The following ELFN1 variants were observed in gnomAD, a reference collection of about 807,000 sequenced individuals.
ELFN1 encodes protein ELFN1.
In ELFN1, 6 loss-of-function variants were observed where a neutral mutation model predicts 7.6. That is an observed-to-expected ratio of 0.79 (90% CI 0.43 to 1.56). ELFN1 has a LOEUF of 1.56. ELFN1 is among the 40% of genes most tolerant of loss of function. The probability of loss-of-function intolerance (pLI) is 0.01; values close to 1 mark genes in which losing one functional copy is unlikely to be tolerated. For missense variants in ELFN1, 1,169 were observed against 1,232.2 expected, an observed-to-expected ratio of 0.95 and a Z score of 0.77; for synonymous variants, 657 against 588.1, an observed-to-expected ratio of 1.12 and a Z score of -1.70.
At chr7:1,731,069 A>G (rs1404393689) in intron 3 of ELFN1, among the ~76,000 whole-genome samples, 1 of 152,236 alleles carries the variant, frequency 6.6e-6, no homozygotes, top group Non-Finnish European at 1.5e-5. Flanking sequence ...AACGGCACCA[A>G]TAAAACAACA....
intron 2 of ELFN1, chr7:1,693,451 T>A (rs1262962846): frequency 2.1e-6 from 1 of 471,264 alleles, no homozygotes; most frequent in East Asian, 6.9e-5. Context: ...GGGCTTAGAC[T>A]GCCTGGTGCA....
chr7:1,721,606 G>T (rs183641511), intron 3 of ELFN1, among the ~76,000 whole-genome samples: 432 of 152,338 alleles, frequency 2.8e-3, no homozygotes, highest in African/African-American at 0.01. Context: ...CCATTTGCAT[G>T]CAGGGCATCG....
intron 3 of ELFN1, among the ~76,000 whole-genome samples, chr7:1,716,120 C>G (rs1170641769): frequency 6.6e-6 from 1 of 152,210 alleles, no homozygotes; most frequent in Non-Finnish European, 1.5e-5. Flanking sequence ...AAGCCAGGAG[C>G]CCTCTCAGCT....
intron 2 of ELFN1, among the ~76,000 whole-genome samples, chr7:1,700,005 A>G (rs1277145774): frequency 1.3e-5 from 2 of 152,086 alleles, no homozygotes; most frequent in South Asian, 2.1e-4. Flanking sequence ...CGGCCTCATC[A>G]TTGTCTTCTT....
intron 2 of ELFN1, among the ~76,000 whole-genome samples, 175 bp downstream of exon 2, chr7:1,688,325 G>A (rs1345334952): frequency 6.6e-6 from 1 of 152,094 alleles, no homozygotes; most frequent in Non-Finnish European, 1.5e-5. Context: ...TTAATGAGAA[G>A]AAGTTCTTCA....
rs558840440 is a variant in ELFN1, at chr7:1,731,377, C to T, written c.-293-12927C>T. The stretch of plus-strand genomic sequence containing the variant: ...GGGAGAATGATGAAGGATGTCTTTC[C>T]TGCCAGGTATGGAAGCTTTTTATAG... On this transcript the variant is annotated intron_variant, in intron 3 of 3. Coordinates refer to ENST00000424383, the MANE Select transcript of ELFN1 (RefSeq NM_001128636.4). Among the ~76,000 whole-genome samples the T allele has an allele frequency of 2.6e-5, 4 of 152,310 alleles. No individual in the cohort carries two copies. In the East Asian group the frequency reaches 7.7e-4, roughly 29 times the overall value.
intron 1 of ELFN1, among the ~76,000 whole-genome samples, chr7:1,686,611 A>C (rs764757623): frequency 6.6e-6 from 1 of 152,028 alleles, no homozygotes; most frequent in Non-Finnish European, 1.5e-5. Flanking sequence ...TCAGGCCTAC[A>C]CATGCTGTTG....
At chr7:1,731,562 T>A (rs1405915756) in intron 3 of ELFN1, among the ~76,000 whole-genome samples, 2 of 152,246 alleles carry the variant, frequency 1.3e-5, no homozygotes, top group African/African-American at 4.8e-5. Flanking sequence ...GACAAGAGGA[T>A]GTATTCACCA....
intron 2 of ELFN1, among the ~76,000 whole-genome samples, chr7:1,691,647 G>C (rs1031105474): frequency 2.6e-5 from 4 of 152,186 alleles, no homozygotes; most frequent in African/African-American, 4.8e-5. Flanking sequence ...TGCCAGCTCT[G>C]CATCCCACAA....
chr7:1,721,881 T>TCGAC (rs1421027391), intron 3 of ELFN1, among the ~76,000 whole-genome samples: 1 of 152,240 alleles, frequency 6.6e-6, no homozygotes, highest in Non-Finnish European at 1.5e-5. Context: ...CCTTCCCCTC[T>TCGAC]CTGGTCTTCA....
chr7:1,681,837 C>G (rs1029804115), intron 1 of ELFN1, among the ~76,000 whole-genome samples: 1 of 152,166 alleles, frequency 6.6e-6, no homozygotes, highest in Admixed American at 6.5e-5. Context: ...TTGCATTTTC[C>G]GAATGACCGA....
chr7:1,698,579 TAGCATATTATTTC>T (rs2128583355), intron 2 of ELFN1, among the ~76,000 whole-genome samples: 1 of 152,306 alleles, frequency 6.6e-6, no homozygotes, highest in South Asian at 2.1e-4. Flanking sequence ...ATATATGTAA[TAGCATATTATTTC>T]TCTCTTTAAT....
rs949800550 is a variant in ELFN1, at chr7:1,695,410, G to A, written c.-456+7260G>A. ...CAAGCCTGGGCGAGTCTCGCTGGGAGGCAGGAGCAGACTCAGCCCGCCAAG... is the reference window on the plus strand; with the variant it reads ...CAAGCCTGGGCGAGTCTCGCTGGGAAGCAGGAGCAGACTCAGCCCGCCAAG... On this transcript the variant is annotated intron_variant, in intron 2 of 3. Coordinates refer to ENST00000424383, the MANE Select transcript of ELFN1 (RefSeq NM_001128636.4). The surrounding 1 kb of genome is among the most constrained non-coding windows in gnomAD (Gnocchi z 5.1). Among the ~76,000 whole-genome samples, 15 of 152,180 alleles carry A rather than the reference G, an allele frequency of 9.9e-5. No individual in the cohort carries two copies. The highest frequency in any genetic ancestry group is 3.6e-4 in the African/African-American group (15 of 41,456).
chr7:1,739,752 A>G lies in ELFN1; in HGVS notation c.-293-4552A>G, dbSNP rs1194749083. On this transcript the variant is annotated intron_variant, in intron 3 of 3. Coordinates refer to ENST00000424383, the MANE Select transcript of ELFN1 (RefSeq NM_001128636.4). This position sits in a 1 kb window ranked among gnomAD's most constrained non-coding sequence, Gnocchi z 4.6. ...GGCTGCCGAGAGGCTGAGCAAGACA[A>G]AAATGGGCCCTGGCAGGGCAGAGGT... is the stretch of plus-strand genomic sequence containing the variant. 6.6e-6 allele frequency among the ~76,000 whole-genome samples: 1 copy of G among 152,148 alleles called. No individual in the cohort carries two copies. The highest frequency in any genetic ancestry group is 1.5e-5 in the Non-Finnish European group (1 of 68,020).
chr7:1,679,621 C>T (rs1019605844), intron 1 of ELFN1, among the ~76,000 whole-genome samples: 2 of 152,220 alleles, frequency 1.3e-5, no homozygotes, highest in Admixed American at 1.3e-4. Context: ...TTCCTGCAAG[C>T]CTCATGTTCG....
upstream of ELFN1, among the ~76,000 whole-genome samples, chr7:1,668,271 C>T (rs765965343): frequency 2.0e-5 from 3 of 152,252 alleles, no homozygotes; most frequent in Non-Finnish European, 4.4e-5. Flanking sequence ...GAAATGGACT[C>T]ATCATGCCTG....
At chr7:1,713,154 C>T (rs917592406) in intron 3 of ELFN1, among the ~76,000 whole-genome samples, 5 of 152,218 alleles carry the variant, frequency 3.3e-5, no homozygotes, top group Non-Finnish European at 5.9e-5. Context: ...CCGGAGTCCT[C>T]GCCAGGCATG....
At chr7:1,679,719 G>C (rs1778939583) in intron 1 of ELFN1, among the ~76,000 whole-genome samples, 1 of 152,188 alleles carries the variant, frequency 6.6e-6, no homozygotes, top group African/African-American at 2.4e-5. Context: ...GCACAGCCTG[G>C]ATGCCATGGT....
At chr7:1,711,567 C>CGA (rs1779651378) in intron 3 of ELFN1, among the ~76,000 whole-genome samples, 4 of 35,078 alleles carry the variant, frequency 1.1e-4, no homozygotes, top group African/African-American at 3.4e-4. Flanking sequence ...GAAGAGAGAG[C>CGA]GAGAGAGTGA....
Sources: gnomAD v4.1 joint callset for allele counts (sites outside exome capture counted in the v4.1 genomes callset) on GRCh38, gnomAD v4.1.1 for gene constraint, Gnocchi (gnomAD v3.1) non-coding constraint, MANE v1.5 for transcripts, NCBI Gene and HGNC (gene_info 2026-07-23, HGNC 2026-07-21) for gene names.